Variants in OSCAR observed in about 807,000 individuals in gnomAD.
OSCAR encodes the protein osteoclast-associated immunoglobulin-like receptor.
In OSCAR, 25 loss-of-function variants were observed where a neutral mutation model predicts 27.3. The observed-to-expected ratio is 0.92, with a 90% CI of 0.67 to 1.28. The LOEUF (loss-of-function observed/expected upper bound fraction) is 1.28. Ranked by LOEUF, OSCAR falls within the 50% of genes most tolerant of loss-of-function variation. The probability of loss-of-function intolerance (pLI) is 0.00; values close to 1 mark genes in which losing one functional copy is unlikely to be tolerated. For missense variants in OSCAR, 354 were observed against 355.1 expected, an observed-to-expected ratio of 1.00 and a Z score of 0.03; for synonymous variants, 158 against 165.7, an observed-to-expected ratio of 0.95 and a Z score of 0.36.
Position 54,095,957 on chromosome 19 carries a change from G to C in OSCAR, c.570C>G (p.Pro190=). The change falls in exon 4 of 5, where the codon CCC becomes CCG. Residue 190 remains proline, a synonymous_variant. Coordinates refer to ENST00000358375, the MANE Select transcript of OSCAR (RefSeq NM_133169.6). ...ADFTLLGARA[P]GTYSCYYHTP... ...TGTGATAGTAGCAGCTGTAGGTGCC[G>C]GGGGCGCGGGCGCCCAGCAGCGTGA... 4 of 1,589,362 alleles carry C rather than the reference G, an allele frequency of 2.5e-6. No individual in the cohort carries two copies. The highest frequency in any genetic ancestry group is 2.3e-5 in the East Asian group (1 of 43,836).
intron 4 of OSCAR, chr19:54,095,618 C>T (rs2146277122): frequency 9.3e-7 from 1 of 1,074,502 alleles, no homozygotes; most frequent in South Asian, 1.7e-5. Context: ...AGTCCTGGGT[C>T]TGAGGGAGGA....
chr19:54,097,086 G>C lies in OSCAR; in HGVS notation c.149C>G (p.Thr50Ser). 1 of 1,614,176 alleles carries C rather than the reference G, an allele frequency of 6.2e-7. No individual in the cohort carries two copies. The highest frequency in any genetic ancestry group is 1.1e-5 in the South Asian group (1 of 91,090). Residue 50 changes from threonine to serine, a missense_variant, in exon 3 of 5, where the codon ACC (threonine) becomes AGC (serine). Coordinates refer to ENST00000358375, the MANE Select transcript of OSCAR (RefSeq NM_133169.6). Reference sequence around the variant, plus strand: ...GGGTTGGGGTGCCCGGCATCTCAAGGTCACGTTGACCCCAGGGGTCACAAC... The same window carrying C: ...GGGTTGGGGTGCCCGGCATCTCAAGCTCACGTTGACCCCAGGGGTCACAAC... ...ATVVTPGVNV[T>S]LRCRAPQPAW... is the part of the protein sequence containing the mutation.
chr19:54,095,076 A>G lies in OSCAR; in HGVS notation c.*145T>C, dbSNP rs1296648866. 6.8e-6 allele frequency: 9 copies of G among 1,316,502 alleles called. No individual in the cohort carries two copies. Among genetic ancestry groups the G allele is most frequent in the Admixed American group, 3.1e-5 (1 of 32,136 alleles). The allele number at this position is 1,316,502 out of a possible 1,614,324, so 81.6% of individuals were successfully genotyped here. On this transcript the variant is annotated 3_prime_UTR_variant, in exon 5 of 5. Transcript: ENST00000358375. ...TGGGAAAGGCCTGGAAAGAAGCTAC[A>G]GCACAGGGCACAGCGGGGTCTAAGG... is the stretch of plus-strand genomic sequence containing the variant.
rs750519111 is a variant in OSCAR, at chr19:54,097,080, C to G, written c.155G>C (p.Arg52Thr). The change falls in exon 3 of 5, where the codon AGA (arginine) becomes ACA (threonine). Residue 52 changes from arginine (R) to threonine (T), a missense_variant. Arg to Thr is a moderately conservative substitution (Grantham distance 71). Transcript: ENST00000358375. ...CCAAGCGGGTTGGGGTGCCCGGCAT[C>G]TCAAGGTCACGTTGACCCCAGGGGT... is the stretch of plus-strand genomic sequence containing the variant. Reference protein sequence around the residue: ...VVTPGVNVTLRCRAPQPAWRF... With the variant: ...VVTPGVNVTLTCRAPQPAWRF... 2 of 1,614,064 alleles carry G rather than the reference C, an allele frequency of 1.2e-6. No individual in the cohort carries two copies. Among genetic ancestry groups the G allele is most frequent in the Admixed American group, 1.7e-5 (1 of 59,986 alleles).
At chr19:54,095,436 C>A in intron 4 of OSCAR, 79 bp from the exon 5 acceptor site, 1 of 1,499,446 alleles carries the variant, frequency 6.7e-7, no homozygotes, top group Non-Finnish European at 8.9e-7. Flanking sequence ...GTTTCCAGCC[C>A]CTGGGGTGGA....
chr19:54,096,935 G>T lies in OSCAR; in HGVS notation c.300C>A (p.Cys100Ter), dbSNP rs772586919. Residue 100 changes from cysteine to a stop codon, truncating the protein, a stop_gained, in exon 3 of 5, where the codon TGC (cysteine) becomes TGA (stop). Transcript: ENST00000358375. LOFTEE classifies it high-confidence loss of function. ...GCCCCCAGTCTGGCCTTCGGTAGCA[G>T]CAGCGGTAACTTCCCCCTTGGGCTG... The part of the protein sequence containing the change: ...VTPAQGGSYR[C>*]CYRRPDWGPG... 6.2e-7 allele frequency: 1 copy of T among 1,614,054 alleles called. No homozygotes were observed. The highest frequency in any genetic ancestry group is 8.5e-7 in the Non-Finnish European group (1 of 1,180,036).
At position 54,095,203 on chromosome 19, in the gene OSCAR, C is replaced by T. The variant is rs778218874; in HGVS notation, c.*18G>A. On this transcript the variant is annotated 3_prime_UTR_variant, in exon 5 of 5. Transcript: ENST00000358375. ...CGCCACTCAGGTTGGAAGTCTCGGG[C>T]TGCAGTGCTCCTGGGGCTCAGGGGC... The T allele has an allele frequency of 3.1e-6, 5 of 1,607,750 alleles. No individual in the cohort carries two copies. The highest frequency in any genetic ancestry group is 2.7e-5 in the African/African-American group (2 of 74,858).
chr19:54,095,999 C>T lies in OSCAR; in HGVS notation c.528G>A (p.Ala176=), dbSNP rs773351429. Residue 176 remains alanine (A), a synonymous_variant, in exon 4 of 5, where the codon GCG becomes GCA. Transcript: ENST00000358375. The part of the protein sequence containing the change: ...VAAPLQYRHS[A]QPWADFTLLG... ...GCAGCGTGAAGTCGGCCCAGGGCTG[C>T]GCGGAGTGGCGGTACTGCAGCGGGG... 155 of 1,585,226 alleles carry T rather than the reference C, an allele frequency of 9.8e-5. No individual in the cohort carries two copies. Among genetic ancestry groups the T allele is most frequent in the Non-Finnish European group, 1.3e-4 (147 of 1,167,736 alleles).
At chr19:54,099,229 A>ATTTTTTTTTTTTTTTTTTTTTTTTTTTT (rs1228940404) in intron 2 of OSCAR, among the ~76,000 whole-genome samples, 5 of 82,420 alleles carry the variant, frequency 6.1e-5, no homozygotes, top group African/African-American at 1.0e-4. Context: ...CACCCGGCTA[A>ATTTTTTTTTTTTTTTTTTTTTTTTTTTT]TTTTTTTTTT....
At chr19:54,100,585 T>C (rs2072996179) in intron 1 of OSCAR, among the ~76,000 whole-genome samples, 171 bp downstream of exon 1, 1 of 152,190 alleles carries the variant, frequency 6.6e-6, no homozygotes, top group Admixed American at 6.5e-5. Context: ...CGGGAATCTG[T>C]GTTCTCTTGC....
rs1485886333 is a variant in OSCAR at position 54,094,926 on chromosome 19, C to A, written c.*295G>T. 2.7e-6 allele frequency: 1 copy of A among 374,032 alleles called. No individual in the cohort carries two copies. The highest frequency in any genetic ancestry group is 2.1e-5 in the African/African-American group (1 of 48,014). 23.2% of individuals were successfully genotyped at this position (374,032 alleles called of 1,614,324 possible). On this transcript the variant is annotated 3_prime_UTR_variant, in exon 5 of 5. Coordinates refer to ENST00000358375, the MANE Select transcript of OSCAR (RefSeq NM_133169.6). ...CCAGGAAGTCCAGCTGGCTTCACGT[C>A]TCACTACTACCTTTCTGTAGCTGCT... is the stretch of plus-strand genomic sequence containing the variant.
At chr19:54,096,253 TCTCTCTCTCTTTCTGC>T in intron 3 of OSCAR, 100 bp from the exon 4 acceptor site, 1 of 964,910 alleles carries the variant, frequency 1.0e-6, no homozygotes, top group South Asian at 1.8e-5. Context: ...TCTCTGTGCC[TCTCTCTCTCTTTCTGC>T]CTCTCTTTCT....
chr19:54,096,052 A>T lies in OSCAR; in HGVS notation c.475T>A (p.Phe159Ile), dbSNP rs1305222085. Residue 159 changes from phenylalanine (F) to isoleucine (I), a missense_variant, in exon 4 of 5, where the codon TTC becomes ATC. Transcript: ENST00000358375. Reference sequence around the variant, plus strand: ...GCCACGCCCTCGCGGTACAGCACGAAGCTCATGTTCCGCAGGCGGCCCGCG... The same window carrying T: ...GCCACGCCCTCGCGGTACAGCACGATGCTCATGTTCCGCAGGCGGCCCGCG... ...RCAGRLRNMS[F>I]VLYREGVAAP... The T allele has an allele frequency of 6.4e-7, 1 of 1,553,494 alleles. No homozygotes were observed. The highest frequency in any genetic ancestry group is 1.9e-5 in the Admixed American group (1 of 52,152).
Position 54,095,441 on chromosome 19 carries a change from G to C in OSCAR, c.656-84C>G, listed in dbSNP as rs1250155094. 4 of 1,493,502 alleles carry C rather than the reference G, an allele frequency of 2.7e-6. No homozygotes were observed. In the African/African-American group the frequency reaches 5.6e-5, roughly 21 times the overall value. 92.5% of individuals were successfully genotyped at this position (1,493,502 alleles called of 1,614,324 possible). On this transcript the variant is annotated intron_variant, in intron 4 of 4. Coordinates refer to ENST00000358375, the MANE Select transcript of OSCAR (RefSeq NM_133169.6). Reference sequence around the variant, plus strand: ...TGAACTCCAGGTTTCCAGCCCCTGGGGTGGACTTAGGGACCTGACTCTACA... The same window carrying C: ...TGAACTCCAGGTTTCCAGCCCCTGGCGTGGACTTAGGGACCTGACTCTACA...
At chr19:54,095,434 C>A (rs2072591658) in intron 4 of OSCAR, 77 bp from the exon 5 acceptor site, 1 of 1,500,436 alleles carries the variant, frequency 6.7e-7, no homozygotes, top group East Asian at 2.5e-5. Flanking sequence ...AGGTTTCCAG[C>A]CCCTGGGGTG....
intron 1 of OSCAR, among the ~76,000 whole-genome samples, chr19:54,100,489 A>G (rs1228560479): frequency 1.3e-5 from 2 of 151,888 alleles, no homozygotes; most frequent in Admixed American, 1.3e-4. Context: ...TCCCCCTCCC[A>G]TATAAGAATC....
intron 4 of OSCAR, chr19:54,095,590 G>C: frequency 8.4e-7 from 1 of 1,189,860 alleles, no homozygotes; most frequent in Non-Finnish European, 1.1e-6. Flanking sequence ...GTCCAGGAAG[G>C]AGGGGCTGGG....
At position 54,094,937 on chromosome 19, in the gene OSCAR, C is replaced by A. The variant is rs587659700; in HGVS notation, c.*284G>T. ...AGCTGGCTTCACGTCTCACTACTAC[C>A]TTTCTGTAGCTGCTACTACTACAGT... On this transcript the variant is annotated 3_prime_UTR_variant, in exon 5 of 5. Coordinates refer to ENST00000358375, the MANE Select transcript of OSCAR (RefSeq NM_133169.6). 12 of 409,240 alleles carry A rather than the reference C, an allele frequency of 2.9e-5. No individual in the cohort carries two copies. The highest frequency in any genetic ancestry group is 2.3e-4 in the African/African-American group (11 of 48,798). The allele number at this position is 409,240 out of a possible 1,614,324, so 25.4% of individuals were successfully genotyped here.
At chr19:54,097,193 G>C in intron 2 of OSCAR, 29 bp from the exon 3 acceptor site, 1 of 1,576,042 alleles carries the variant, frequency 6.3e-7, no homozygotes, top group Non-Finnish European at 8.6e-7. Context: ...CTGGGTCCTC[G>C]GGCCTCCTGG....
Sources: gnomAD v4.1 joint callset for allele counts (sites outside exome capture counted in the v4.1 genomes callset) on GRCh38, gnomAD v4.1.1 for gene constraint, MANE v1.5 for transcripts, NCBI Gene and HGNC (gene_info 2026-07-23, HGNC 2026-07-21) for gene names.